STK38: variants seen among roughly 807,000 people sequenced by gnomAD.
STK38 encodes the protein serine/threonine-protein kinase 38.
Under a neutral mutation model 59.0 loss-of-function variants are expected in STK38, and 26 were observed. The observed-to-expected ratio is 0.44, with a 90% CI of 0.32 to 0.61. The LOEUF (loss-of-function observed/expected upper bound fraction) is 0.61, where lower values mean the gene tolerates loss of function less well. STK38 is among the 20% of genes least tolerant of loss of function. The pLI, the probability that STK38 is intolerant of heterozygous loss-of-function variation, is 0.04. For missense variants in STK38, 433 were observed against 566.0 expected (o/e 0.76, Z 2.38); for synonymous variants, 175 against 176.6 (o/e 0.99, Z 0.07).
In STK38 at chr6:36,517,463, AAAG is replaced by A. The variant is rs749979366; in HGVS notation, c.514+251_514+253del. ...CCTAATTTATTCCTATATATTTTAA[AAAG>A]AAGAAGAAAAGAAAGAAATGTCCAT... On this transcript the variant is annotated intron_variant, in intron 6 of 13. Coordinates refer to ENST00000229812, the MANE Select transcript of STK38 (RefSeq NM_007271.4). Among the ~76,000 whole-genome samples the A allele has an allele frequency of 5.3e-5, 8 of 152,308 alleles. No homozygotes were observed. The East Asian group carries it at 1.3e-3, about 26-fold the overall frequency.
At chr6:36,511,517 G>A (rs1273504852) in intron 7 of STK38, among the ~76,000 whole-genome samples, 1 of 151,626 alleles carries the variant, frequency 6.6e-6, no homozygotes, top group East Asian at 2.0e-4. Context: ...CACCACATCT[G>A]GCTAATTTTT....
intron 2 of STK38, among the ~76,000 whole-genome samples, chr6:36,526,691 T>A (rs1293852637): frequency 6.6e-6 from 1 of 151,304 alleles, no homozygotes; most frequent in Non-Finnish European, 1.5e-5. Context: ...TGTCAGGAGT[T>A]CGAGACCAGA....
chr6:36,508,025 C>T (rs1777009968), intron 7 of STK38, among the ~76,000 whole-genome samples: 1 of 151,226 alleles, frequency 6.6e-6, no homozygotes, highest in Non-Finnish European at 1.5e-5. Flanking sequence ...CCTCGACCTC[C>T]CAGGTTCAAG....
intron 2 of STK38, among the ~76,000 whole-genome samples, chr6:36,539,745 ATTT>A (rs55784149): frequency 7.6e-6 from 1 of 131,228 alleles, no homozygotes. Flanking sequence ...ATTGGGCCTA[ATTT>A]TTTTTTTTTT....
intron 5 of STK38, among the ~76,000 whole-genome samples, chr6:36,520,591 A>C (rs749326297): frequency 2.0e-5 from 3 of 152,212 alleles, no homozygotes; most frequent in Non-Finnish European, 4.4e-5. Flanking sequence ...AGATTAACTG[A>C]AACTTTTTCA....
rs1349901365 is a variant in STK38, at chr6:36,497,882, A to G, written c.1077-7T>C. On this transcript the variant is annotated splice_polypyrimidine_tract_variant and splice_region_variant and intron_variant, in intron 11 of 13. Coordinates refer to ENST00000229812, the MANE Select transcript of STK38 (RefSeq NM_007271.4). ...TTCCCATTCACAGCAGAACCTGGAA[A>G]AGACAGAGGCCTTTCAGCACATCTC... 1 of 1,599,942 alleles carries G rather than the reference A, an allele frequency of 6.3e-7. No homozygotes were observed. The highest frequency in any genetic ancestry group is 1.8e-5 in the Admixed American group (1 of 56,778).
chr6:36,546,868 G>C (rs547859644), intron 1 of STK38, among the ~76,000 whole-genome samples: 2 of 152,314 alleles, frequency 1.3e-5, no homozygotes, highest in East Asian at 3.9e-4. Flanking sequence ...GGGACTGACT[G>C]GTGGCAGGGA....
intron 2 of STK38, among the ~76,000 whole-genome samples, chr6:36,526,164 A>C (rs1777506722): frequency 6.6e-6 from 1 of 150,856 alleles, no homozygotes; most frequent in Non-Finnish European, 1.5e-5. Flanking sequence ...ACTGTCTAAG[A>C]TGTTAATGCA....
At chr6:36,512,153 G>C (rs1777126229) in intron 7 of STK38, among the ~76,000 whole-genome samples, 1 of 152,144 alleles carries the variant, frequency 6.6e-6, no homozygotes, top group Non-Finnish European at 1.5e-5. Context: ...AGCCTTTCAG[G>C]GAATTCTATA....
chr6:36,532,509 C>T (rs911822099), intron 2 of STK38, among the ~76,000 whole-genome samples: 1 of 152,068 alleles, frequency 6.6e-6, no homozygotes, highest in African/African-American at 2.4e-5. Flanking sequence ...GATGTGATGG[C>T]TCACACCTGT....
chr6:36,498,382 C>G lies in STK38; in HGVS notation c.1057G>C (p.Ala353Pro), dbSNP rs748523374. Residue 353 changes from alanine to proline, a missense_variant, in exon 11 of 14, where the codon GCC (alanine) becomes CCC (proline). By Grantham distance (27) the Ala-to-Pro change is conservative (BLOSUM62 -1). Transcript: ENST00000229812. ...TAATACCTCAAAATTAGATCCTTGG[C>G]TTTCTCAGAGATGGGAACTTCTGGA... ...FPPEVPISEK[A>P]KDLILRFCCE... 1.2e-6 allele frequency: 2 copies of G among 1,613,710 alleles called. No individual in the cohort carries two copies. The highest frequency in any genetic ancestry group is 1.7e-6 in the Non-Finnish European group (2 of 1,179,896).
chr6:36,498,582 C>CTTT (rs1219622406), intron 10 of STK38, 96 bp from the exon 11 acceptor site: 120 of 1,039,152 alleles, frequency 1.2e-4, no homozygotes, highest in South Asian at 2.2e-4. Flanking sequence ...CTTTTTTTTT[C>CTTT]TTTTTTCTTT....
intron 1 of STK38, among the ~76,000 whole-genome samples, chr6:36,544,737 TAGCACACACCTG>T (rs1778019843): frequency 6.6e-6 from 1 of 152,074 alleles, no homozygotes; most frequent in Non-Finnish European, 1.5e-5. Context: ...CCAGGTGTGG[TAGCACACACCTG>T]TAGTCCCAGC....
At chr6:36,510,506 C>A (rs1777083060) in intron 7 of STK38, among the ~76,000 whole-genome samples, 1 of 152,182 alleles carries the variant, frequency 6.6e-6, no homozygotes, top group South Asian at 2.1e-4. Flanking sequence ...CCTGGGAGGG[C>A]AGGGCTCCCG....
intron 11 of STK38, 107 bp from the exon 12 acceptor site, chr6:36,497,982 C>A: frequency 2.6e-6 from 2 of 755,032 alleles, no homozygotes; most frequent in South Asian, 1.9e-5. Flanking sequence ...CTCTGTCACC[C>A]AGGCTGGAGT....
intron 4 of STK38, among the ~76,000 whole-genome samples, chr6:36,522,708 T>A (rs1041813124): frequency 2.6e-5 from 4 of 151,478 alleles, no homozygotes; most frequent in Admixed American, 2.6e-4. Flanking sequence ...ATACGAAAAT[T>A]AGCTGGGTGT....
intron 2 of STK38, among the ~76,000 whole-genome samples, chr6:36,530,975 C>G (rs762680828): frequency 2.6e-5 from 4 of 152,126 alleles, no homozygotes; most frequent in Non-Finnish European, 5.9e-5. Flanking sequence ...CATGTGTGAG[C>G]CCCTGTACCC....
In STK38 at chr6:36,495,901, AT is replaced by A; in HGVS notation, c.1280del (p.Asn427IlefsTer25). Reference protein sequence around the residue: ...DILKPTVATSNHPETDYKNKD... With the variant: ...DILKPTVATSXHPETDYKNKD... ...TGTTCTTGTAGTCAGTCTCAGGATGATTACTTGTGGCCACTGGGAAAGAAAT... is the reference window on the plus strand; with the variant it reads ...TGTTCTTGTAGTCAGTCTCAGGATGATACTTGTGGCCACTGGGAAAGAAAT... On this transcript the variant is annotated frameshift_variant, in exon 14 of 14. Transcript: ENST00000229812. LOFTEE classifies it high-confidence loss of function. 6.2e-7 allele frequency: 1 copy of A among 1,614,002 alleles called. No individual in the cohort carries two copies. Among genetic ancestry groups the A allele is most frequent in the Non-Finnish European group, 8.5e-7 (1 of 1,179,956 alleles).
chr6:36,509,809 C>T (rs1180819603), intron 7 of STK38, among the ~76,000 whole-genome samples: 2 of 152,072 alleles, frequency 1.3e-5, no homozygotes, highest in East Asian at 1.9e-4. Flanking sequence ...TTTCATCTAT[C>T]GCTCGGTCGC....
Sources: allele counts gnomAD v4.1 joint callset (sites outside exome capture counted in the v4.1 genomes callset), GRCh38; gene constraint gnomAD v4.1.1; transcripts MANE v1.5; gene names NCBI Gene and HGNC (gene_info 2026-07-23, HGNC 2026-07-21).